GALNT14: variants seen among roughly 807,000 people sequenced by gnomAD.
The protein encoded by GALNT14 is polypeptide N-acetylgalactosaminyltransferase 14.
A neutral mutation model predicts 77.5 loss-of-function variants in GALNT14; 60 were observed. The observed-to-expected ratio is 0.77, with a 90% CI of 0.63 to 0.96. The LOEUF is 0.96. Among genes scored for constraint, GALNT14 ranks in the 40% least tolerant of loss-of-function variants. The pLI is 0.00. For synonymous variants in GALNT14, 280 were observed against 281.7 expected, an observed-to-expected ratio of 0.99 and a Z score of 0.06; for missense variants, 710 against 731.0, an observed-to-expected ratio of 0.97 and a Z score of 0.33.
chr2:31,035,429 GT>G (rs774277385), intron 1 of GALNT14, among the ~76,000 whole-genome samples: 1 of 151,636 alleles, frequency 6.6e-6, no homozygotes. Context: ...CTGTGTGGAT[GT>G]TACATCTTCA....
At chr2:31,036,585 A>G (rs1456361990) in intron 1 of GALNT14, among the ~76,000 whole-genome samples, 1 of 152,150 alleles carries the variant, frequency 6.6e-6, no homozygotes. Context: ...TTCTGTAGTT[A>G]CCTTTACTAC....
chr2:31,097,746 C>A (rs1375635726), intron 1 of GALNT14, among the ~76,000 whole-genome samples: 1 of 152,116 alleles, frequency 6.6e-6, no homozygotes, highest in Admixed American at 6.6e-5. Flanking sequence ...GGCCCTCACT[C>A]CCCTGATGCT....
chr2:30,943,193 C>A (rs1042721633), intron 8 of GALNT14, among the ~76,000 whole-genome samples: 2 of 152,178 alleles, frequency 1.3e-5, no homozygotes, highest in African/African-American at 4.8e-5. Flanking sequence ...GCAGCCCTAG[C>A]AAACTCACAC....
At chr2:31,039,441 GTTCTC>G (rs1280080362) in intron 1 of GALNT14, among the ~76,000 whole-genome samples, 7 of 152,186 alleles carry the variant, frequency 4.6e-5, no homozygotes, top group African/African-American at 1.7e-4. Flanking sequence ...ACTTGTCCAA[GTTCTC>G]ACAGTCAGTA....
chr2:31,066,749 G>C (rs1674990528), intron 1 of GALNT14, among the ~76,000 whole-genome samples: 1 of 152,106 alleles, frequency 6.6e-6, no homozygotes, highest in East Asian at 1.9e-4. Context: ...CCACCACTGA[G>C]AGCACCCCCC....
chr2:31,019,610 G>C (rs1671593960), intron 1 of GALNT14, among the ~76,000 whole-genome samples: 1 of 152,148 alleles, frequency 6.6e-6, no homozygotes, highest in African/African-American at 2.4e-5. Context: ...AGTCCCAGGG[G>C]GAACCAGGGT....
intron 2 of GALNT14, among the ~76,000 whole-genome samples, chr2:30,985,833 C>A (rs1057514514): frequency 6.6e-6 from 1 of 152,168 alleles, no homozygotes; most frequent in African/African-American, 2.4e-5. Flanking sequence ...CTCCCCTCAG[C>A]CTTGGTGTGG....
At chr2:31,074,468 G>A (rs1675630001) in intron 1 of GALNT14, among the ~76,000 whole-genome samples, 1 of 152,012 alleles carries the variant, frequency 6.6e-6, no homozygotes, top group South Asian at 2.1e-4. Flanking sequence ...GGTAAGCTTG[G>A]GATTCTGCTG....
chr2:30,944,550 T>C (rs576662916), intron 8 of GALNT14, among the ~76,000 whole-genome samples: 1 of 152,140 alleles, frequency 6.6e-6, no homozygotes, highest in Non-Finnish European at 1.5e-5. Context: ...TTCCCCTCAC[T>C]AGAGGCCGAA....
chr2:30,931,841 C>T (rs374477468), intron 10 of GALNT14, among the ~76,000 whole-genome samples: 16 of 152,124 alleles, frequency 1.1e-4, no homozygotes, highest in African/African-American at 1.4e-4. Context: ...TGGGGCCTTC[C>T]GAAGCCTCAG....
At chr2:31,027,948 G>C (rs779897454) in intron 1 of GALNT14, among the ~76,000 whole-genome samples, 22 of 147,292 alleles carry the variant, frequency 1.5e-4, no homozygotes, top group Non-Finnish European at 2.9e-4. Context: ...GCTTGGGGTA[G>C]GGGAGCCTTC....
intron 1 of GALNT14, among the ~76,000 whole-genome samples, chr2:31,122,892 C>T (rs1678483402): frequency 6.6e-6 from 1 of 152,182 alleles, no homozygotes; most frequent in Admixed American, 6.5e-5. Flanking sequence ...TCCAATAAAA[C>T]TTTATTGGGC....
chr2:31,041,096 G>A (rs1283559191), intron 1 of GALNT14, among the ~76,000 whole-genome samples: 1 of 152,154 alleles, frequency 6.6e-6, no homozygotes, highest in Non-Finnish European at 1.5e-5. Flanking sequence ...ACAATTCAGT[G>A]CAGCACGTGT....
intron 1 of GALNT14, among the ~76,000 whole-genome samples, chr2:31,002,132 T>G (rs751704764): frequency 1.3e-5 from 2 of 152,080 alleles, no homozygotes; most frequent in Non-Finnish European, 2.9e-5. Context: ...TCAAATCATA[T>G]AAACAGTGAA....
At chr2:31,136,869 G>A (rs1679249446) in intron 1 of GALNT14, among the ~76,000 whole-genome samples, 1 of 152,128 alleles carries the variant, frequency 6.6e-6, no homozygotes, top group African/African-American at 2.4e-5. Context: ...TATGCACCTG[G>A]CACACAGTAG....
intron 1 of GALNT14, among the ~76,000 whole-genome samples, chr2:31,060,911 C>T (rs922591164): frequency 1.3e-5 from 2 of 152,190 alleles, no homozygotes; most frequent in Non-Finnish European, 2.9e-5. Flanking sequence ...ACAGGACTGA[C>T]GGAGGCTGCT....
the GALNT14 span, among the ~76,000 whole-genome samples, chr2:30,894,904 T>C: frequency 6.6e-6 from 1 of 152,168 alleles, no homozygotes; most frequent in Non-Finnish European, 1.5e-5. Flanking sequence ...CTTTGGAATG[T>C]TCCGAGGCTT....
At chr2:30,913,512 C>G (rs1346318277) in intron 13 of GALNT14, among the ~76,000 whole-genome samples, 1 of 152,180 alleles carries the variant, frequency 6.6e-6, no homozygotes, top group Non-Finnish European at 1.5e-5. Flanking sequence ...CCCTGGTCCT[C>G]TCCTGACCTC....
chr2:31,038,084 ATTTTTTTTT>A lies in GALNT14; in HGVS notation c.130-45086_130-45078del, dbSNP rs1196402402. On this transcript the variant is annotated intron_variant, in intron 1 of 14. Coordinates refer to ENST00000349752, the MANE Select transcript of GALNT14 (RefSeq NM_024572.4). ...ATTTGCCATATATATATATATATAT[ATTTTTTTTT>A]TTTTTTTTTTTTTTTTTTTTAGATG... Among the ~76,000 whole-genome samples the A allele has an allele frequency of 2.1e-4, 11 of 52,636 alleles. 1 individual carries two copies. Among genetic ancestry groups the A allele is most frequent in the South Asian group, 6.3e-4 (1 of 1,578 alleles). 34.5% of individuals were successfully genotyped at this position (52,636 alleles called of 152,430 possible).
Sources: allele counts gnomAD v4.1 joint callset (sites outside exome capture counted in the v4.1 genomes callset), GRCh38; gene constraint gnomAD v4.1.1; transcripts MANE v1.5; gene names NCBI Gene and HGNC (gene_info 2026-07-23, HGNC 2026-07-21).